The following MACROD2 variants were observed in gnomAD, a reference collection of about 807,000 sequenced individuals.
MACROD2 encodes ADP-ribose glycohydrolase MACROD2.
Under a neutral mutation model 70.4 loss-of-function variants are expected in MACROD2, and 36 were observed. That is an observed-to-expected ratio of 0.51 (90% CI 0.39 to 0.68). The LOEUF (loss-of-function observed/expected upper bound fraction) is 0.68, where lower values mean the gene tolerates loss of function less well. Among genes scored for constraint, MACROD2 ranks in the 30% least tolerant of loss-of-function variants. MACROD2 has a pLI of 0.00. For missense variants in MACROD2, 496 were observed against 538.4 expected, an observed-to-expected ratio of 0.92 and a Z score of 0.78; for synonymous variants, 172 against 178.8, an observed-to-expected ratio of 0.96 and a Z score of 0.30.
At chr20:14,464,328 A>G (rs1192045818) in intron 3 of MACROD2, among the ~76,000 whole-genome samples, 1 of 151,980 alleles carries the variant, frequency 6.6e-6, no homozygotes, top group Non-Finnish European at 1.5e-5. Context: ...GCGTAGAGGT[A>G]TTTGTAGTAT....
intron 2 of MACROD2, among the ~76,000 whole-genome samples, chr20:14,017,668 G>T (rs1427084709): frequency 3.3e-5 from 5 of 152,088 alleles, no homozygotes; most frequent in Admixed American, 3.3e-4. Flanking sequence ...ACTTGGTCAC[G>T]TTGTGTATTC....
intron 3 of MACROD2, among the ~76,000 whole-genome samples, chr20:14,173,113 C>T (rs563741774): frequency 1.4e-4 from 22 of 152,248 alleles, no homozygotes; most frequent in Admixed American, 1.2e-3. Context: ...GACTGTGTTT[C>T]TAGGTGATGA....
At chr20:14,217,358 C>T (rs2081631623) in intron 3 of MACROD2, among the ~76,000 whole-genome samples, 1 of 152,118 alleles carries the variant, frequency 6.6e-6, no homozygotes, top group African/African-American at 2.4e-5. Flanking sequence ...GTATGAAACC[C>T]ACTTGATCAT....
intron 6 of MACROD2, among the ~76,000 whole-genome samples, chr20:15,388,274 G>T (rs399698): frequency 0.22 from 33,547 of 151,768 alleles, 4,152 homozygotes; most frequent in Middle Eastern, 0.4. Flanking sequence ...GGGAAAGAAA[G>T]TAATACAGAG....
chr20:14,926,674 G>A (rs1330531722), intron 5 of MACROD2, among the ~76,000 whole-genome samples: 1 of 152,130 alleles, frequency 6.6e-6, no homozygotes, highest in African/African-American at 2.4e-5. Context: ...AGTGTCACAG[G>A]AGGCTGAAAT....
At chr20:15,397,738 T>C (rs2055029610) in intron 6 of MACROD2, among the ~76,000 whole-genome samples, 1 of 152,192 alleles carries the variant, frequency 6.6e-6, no homozygotes, top group Non-Finnish European at 1.5e-5. Flanking sequence ...ATAAAGCCAG[T>C]GGAAATTCAC....
chr20:15,449,467 G>T lies in MACROD2; in HGVS notation c.571+18032G>T, dbSNP rs1401708473. 2.0e-5 allele frequency among the ~76,000 whole-genome samples: 3 copies of T among 152,102 alleles called. 1 individual carries two copies. The highest frequency in any genetic ancestry group is 2.0e-4 in the Admixed American group (3 of 15,254). On this transcript the variant is annotated intron_variant, in intron 7 of 17. Transcript: ENST00000684519. ...AAGCAATATAAAAAGTCATCAAATG[G>T]TAAAAATCTCTTCCCAATTAAAAAT...
rs550478410 is a variant in MACROD2, at chr20:14,500,318, C to T, written c.301+6810C>T. On this transcript the variant is annotated intron_variant, in intron 4 of 17. Coordinates refer to ENST00000684519, the MANE Select transcript of MACROD2 (RefSeq NM_001351661.2). ...CAAACCTCCATCAGAGCAACCTGGGCAAAGTCTGGTGGTCATCGCCAGTGC... is the reference window on the plus strand; with the variant it reads ...CAAACCTCCATCAGAGCAACCTGGGTAAAGTCTGGTGGTCATCGCCAGTGC... 3.3e-5 allele frequency among the ~76,000 whole-genome samples: 5 copies of T among 152,286 alleles called. No homozygotes were observed. In the South Asian group the frequency reaches 1.0e-3, roughly 32 times the overall value.
At chr20:15,413,219 A>G (rs184548348) in intron 6 of MACROD2, among the ~76,000 whole-genome samples, 3,756 of 149,992 alleles carry the variant, frequency 0.025, 81 homozygotes, top group Non-Finnish European at 0.039. Flanking sequence ...AAAATATAAA[A>G]CTTTTTTTTT....
At chr20:15,577,831 A>G (rs1228901002) in intron 8 of MACROD2, among the ~76,000 whole-genome samples, 1 of 152,222 alleles carries the variant, frequency 6.6e-6, no homozygotes, top group Non-Finnish European at 1.5e-5. Flanking sequence ...AGGATGGATT[A>G]CTATTATTCA....
At chr20:14,787,160 T>C (rs955050064) in intron 5 of MACROD2, among the ~76,000 whole-genome samples, 1 of 152,164 alleles carries the variant, frequency 6.6e-6, no homozygotes, top group African/African-American at 2.4e-5. Flanking sequence ...TTTGATTCAA[T>C]ATTAAATGCC....
At position 15,660,213 on chromosome 20, in the gene MACROD2, T is replaced by C. The variant is rs548374816; in HGVS notation, c.645+160366T>C. Among the ~76,000 whole-genome samples the C allele has an allele frequency of 5.4e-4, 82 of 152,282 alleles. 1 individual carries two copies. Among genetic ancestry groups the C allele is most frequent in the Non-Finnish European group, 9.6e-4 (65 of 68,036 alleles). On this transcript the variant is annotated intron_variant, in intron 8 of 17. Transcript: ENST00000684519. ...AGTGATGTGCTTATTGATTGACTAA[T>C]TTTCAAACCAGTTCACATCCATCAC...
chr20:14,532,209 A>C (rs570556727), intron 4 of MACROD2, among the ~76,000 whole-genome samples: 1 of 150,222 alleles, frequency 6.7e-6, no homozygotes, highest in Non-Finnish European at 1.5e-5. Context: ...ACAATCCTGT[A>C]TAACTAATCT....
chr20:15,842,468 C>CTTTTTTT (rs3071404), intron 8 of MACROD2, among the ~76,000 whole-genome samples: 1 of 137,446 alleles, frequency 7.3e-6, no homozygotes, highest in Non-Finnish European at 1.5e-5. Context: ...TTTTTTTCAT[C>CTTTTTTT]TTTTTTTTTT....
chr20:14,570,936 C>T (rs907631984), intron 4 of MACROD2, among the ~76,000 whole-genome samples: 10 of 152,046 alleles, frequency 6.6e-5, no homozygotes, highest in African/African-American at 2.4e-4. Flanking sequence ...TCTCCTTCAT[C>T]TACCCCAATC....
intron 10 of MACROD2, among the ~76,000 whole-genome samples, chr20:15,929,079 T>C (rs2065534154): frequency 6.6e-6 from 1 of 152,174 alleles, no homozygotes. Context: ...AAAATATTTA[T>C]TCTCATGCTC....
intron 3 of MACROD2, among the ~76,000 whole-genome samples, chr20:14,160,877 A>T (rs2055176728): frequency 6.6e-6 from 1 of 151,902 alleles, no homozygotes. Context: ...GTATGTGTGC[A>T]GGTTTCTTAT....
At chr20:14,227,918 T>G (rs1027995176) in intron 3 of MACROD2, among the ~76,000 whole-genome samples, 6 of 152,224 alleles carry the variant, frequency 3.9e-5, no homozygotes, top group African/African-American at 1.4e-4. Flanking sequence ...GTTCAGTCTC[T>G]CTTTGTCTTT....
chr20:15,466,654 T>G (rs1200994903), intron 7 of MACROD2, among the ~76,000 whole-genome samples: 1 of 152,234 alleles, frequency 6.6e-6, no homozygotes. Context: ...ACATACTTCC[T>G]GTGAAAACCT....
Sources: allele counts gnomAD v4.1 joint callset (sites outside exome capture counted in the v4.1 genomes callset), GRCh38; gene constraint gnomAD v4.1.1; transcripts MANE v1.5; gene names NCBI Gene and HGNC (gene_info 2026-07-23, HGNC 2026-07-21).